The following SPMIP7 variants were observed in gnomAD, a reference collection of about 807,000 sequenced individuals.
SPMIP7 encodes the protein sperm microtubule inner protein 7, also known as protein SPMIP7.
the SPMIP7 span, chr7:50,117,355 A>AGCC: frequency 2.4e-6 from 1 of 410,502 alleles, no homozygotes; most frequent in East Asian, 7.3e-5. Context: ...TAGCAGCAGC[A>AGCC]GCCAAATTGG....
chr7:50,112,572 G>C, the SPMIP7 span, among the ~76,000 whole-genome samples: 1 of 152,144 alleles, frequency 6.6e-6, no homozygotes, highest in Admixed American at 6.6e-5. Flanking sequence ...ATGAAGTAAC[G>C]GGCACTCAAG....
the SPMIP7 span, among the ~76,000 whole-genome samples, chr7:50,118,083 C>G: frequency 6.6e-6 from 1 of 152,170 alleles, no homozygotes; most frequent in African/African-American, 2.4e-5. Flanking sequence ...TGAATAAACT[C>G]TGTAAGATTG....
the SPMIP7 span, among the ~76,000 whole-genome samples, chr7:50,145,220 G>A: frequency 1.3e-5 from 2 of 151,230 alleles, no homozygotes; most frequent in African/African-American, 4.9e-5. Context: ...CCAAGATCGC[G>A]CCACTGCACT....
the SPMIP7 span, among the ~76,000 whole-genome samples, chr7:50,149,951 C>T: frequency 1.3e-5 from 2 of 152,108 alleles, no homozygotes; most frequent in Non-Finnish European, 1.5e-5. Context: ...TAGAAGGCTC[C>T]AAAAGACTAT....
At chr7:50,149,711 C>T in the SPMIP7 span, among the ~76,000 whole-genome samples, 2 of 152,148 alleles carry the variant, frequency 1.3e-5, no homozygotes, top group Admixed American at 1.3e-4. Flanking sequence ...CACCTGCAAG[C>T]CAATAAGTCA....
chr7:50,134,007 C>A, the SPMIP7 span: 1 of 1,069,364 alleles, frequency 9.4e-7, no homozygotes, highest in Non-Finnish European at 1.3e-6. Flanking sequence ...CAGGGATCCT[C>A]AGGGTCATCT....
the SPMIP7 span, among the ~76,000 whole-genome samples, chr7:50,157,154 A>C: frequency 9.3e-4 from 141 of 152,344 alleles, no homozygotes; most frequent in African/African-American, 3.3e-3. Flanking sequence ...GGAGGTTTTA[A>C]GTTGTTTGAG....
chr7:50,154,114 T>C, the SPMIP7 span, among the ~76,000 whole-genome samples: 318 of 152,278 alleles, frequency 2.1e-3, 1 homozygote, highest in African/African-American at 7.4e-3. Context: ...AAAAAATAAA[T>C]TCTGTTGTGT....
the SPMIP7 span, among the ~76,000 whole-genome samples, chr7:50,114,656 G>T: frequency 1.7e-3 from 252 of 151,936 alleles, 4 homozygotes; most frequent in Admixed American, 0.015. Flanking sequence ...AACAAAAACA[G>T]ATTTAAACTA....
chr7:50,155,810 C>CAT, the SPMIP7 span, among the ~76,000 whole-genome samples: 3 of 152,288 alleles, frequency 2.0e-5, no homozygotes, highest in Non-Finnish European at 2.9e-5. Flanking sequence ...ACATACTACA[C>CAT]ACATGGCTGT....
the SPMIP7 span, among the ~76,000 whole-genome samples, chr7:50,123,830 C>T: frequency 0.07 from 10,676 of 151,736 alleles, 534 homozygotes; most frequent in Non-Finnish European, 0.11. Context: ...GAAATAGAAA[C>T]GTAGGGTTTT....
chr7:50,136,177 C>A, the SPMIP7 span: 47 of 1,529,352 alleles, frequency 3.1e-5, no homozygotes, highest in Non-Finnish European at 3.9e-5. Context: ...TAAGTTTTAT[C>A]TCCTAAAGTT....
chr7:50,100,452 A>G, the SPMIP7 span, among the ~76,000 whole-genome samples: 9 of 152,122 alleles, frequency 5.9e-5, no homozygotes. Context: ...AATTGGGGAG[A>G]GGAAGTTCAG....
At chr7:50,100,992 C>A in the SPMIP7 span, among the ~76,000 whole-genome samples, 3 of 151,356 alleles carry the variant, frequency 2.0e-5, no homozygotes, top group African/African-American at 4.9e-5. Context: ...TTTTTAGTTT[C>A]TTTTCATTTT....
the SPMIP7 span, among the ~76,000 whole-genome samples, chr7:50,125,395 T>TACAC: frequency 6.8e-5 from 10 of 147,028 alleles, no homozygotes; most frequent in African/African-American, 1.5e-4. Context: ...CACATATATA[T>TACAC]ATACATATAT....
the SPMIP7 span, among the ~76,000 whole-genome samples, chr7:50,125,760 T>G: frequency 3.9e-5 from 6 of 151,982 alleles, no homozygotes; most frequent in Non-Finnish European, 8.8e-5. Flanking sequence ...TACTTATATG[T>G]GGAATCTTAA....
chr7:50,113,843 A>T, the SPMIP7 span, among the ~76,000 whole-genome samples: 12 of 152,064 alleles, frequency 7.9e-5, no homozygotes, highest in Admixed American at 5.9e-4. Flanking sequence ...ATCTGTATAA[A>T]TTTTTTTTAA....
chr7:50,150,333 G>A, the SPMIP7 span, among the ~76,000 whole-genome samples: 3 of 152,176 alleles, frequency 2.0e-5, no homozygotes, highest in Admixed American at 1.3e-4. Context: ...GTCCAAGGAT[G>A]GCAAGTGAAA....
chr7:50,152,664 TTTTATTTA>T, the SPMIP7 span, among the ~76,000 whole-genome samples: 795 of 141,428 alleles, frequency 5.6e-3, 8 homozygotes, highest in African/African-American at 0.017. Context: ...TTATCACACA[TTTTATTTA>T]TTTATTTATT....
Sources: gnomAD v4.1 joint callset for allele counts (sites outside exome capture counted in the v4.1 genomes callset) on GRCh38, gnomAD v4.1.1 for gene constraint, MANE v1.5 for transcripts, NCBI Gene and HGNC (gene_info 2026-07-23, HGNC 2026-07-21) for gene names.